GRIA2: variants seen among roughly 807,000 people sequenced by gnomAD.
GRIA2 encodes glutamate ionotropic receptor AMPA type subunit 2, also known as glutamate receptor 2.
Under a neutral mutation model 97.3 loss-of-function variants are expected in GRIA2, and 14 were observed. The observed-to-expected ratio is 0.14, with a 90% CI of 0.10 to 0.23. The LOEUF (loss-of-function observed/expected upper bound fraction) is 0.23, where lower values mean the gene tolerates loss of function less well. Ranked by LOEUF, GRIA2 falls within the 10% of genes least tolerant of loss-of-function variation. GRIA2 has a pLI of 1.00. For synonymous variants in GRIA2, 412 were observed against 387.8 expected (o/e 1.06, Z -0.73); for missense variants, 558 against 1,069.8 (o/e 0.52, Z 6.67).
Position 157,312,880 on chromosome 4 carries a change from G to C in GRIA2, c.666+5G>C. The C allele has an allele frequency of 6.5e-7, 1 of 1,531,070 alleles. No homozygotes were observed. The highest frequency in any genetic ancestry group is 1.2e-5 in the South Asian group (1 of 83,032). 94.8% of individuals were successfully genotyped at this position (1,531,070 alleles called of 1,614,324 possible). On this transcript the variant is annotated splice_donor_5th_base_variant and intron_variant, in intron 4 of 15. Coordinates refer to ENST00000264426, the MANE Select transcript of GRIA2 (RefSeq NM_001083619.3). ...GTAAACGACATTGTAGACCAGGTTT[G>C]CTACTTTCTGTTTTCTAATGATGCC...
At chr4:157,333,060 C>A in intron 7 of GRIA2, 74 bp downstream of exon 7, 3 of 1,222,518 alleles carry the variant, frequency 2.5e-6, no homozygotes, top group Non-Finnish European at 3.4e-6. Context: ...AATTAGTCAT[C>A]CTTGTCTTAT....
chr4:157,250,659 T>G (rs1329304868), intron 2 of GRIA2, among the ~76,000 whole-genome samples: 2 of 152,050 alleles, frequency 1.3e-5, no homozygotes. Context: ...ACACATAAAC[T>G]TCACTCCCAA....
At chr4:157,338,284 A>G (rs1314043567) in intron 11 of GRIA2, among the ~76,000 whole-genome samples, 1 of 151,850 alleles carries the variant, frequency 6.6e-6, no homozygotes, top group African/African-American at 2.4e-5. Context: ...TCTGAAATGT[A>G]AGGCAATAAT....
chr4:157,289,732 A>G (rs1295670259), intron 2 of GRIA2, among the ~76,000 whole-genome samples: 2 of 151,880 alleles, frequency 1.3e-5, no homozygotes, highest in Non-Finnish European at 2.9e-5. Context: ...ATACAGTAGC[A>G]TGCAAGCACA....
intron 2 of GRIA2, among the ~76,000 whole-genome samples, chr4:157,246,841 A>C (rs1421113851): frequency 6.6e-6 from 1 of 152,148 alleles, no homozygotes; most frequent in Non-Finnish European, 1.5e-5. Context: ...GTGTCTTAGG[A>C]AACATACTCA....
chr4:157,225,413 AT>A (rs1560998975), intron 2 of GRIA2, among the ~76,000 whole-genome samples: 2 of 151,494 alleles, frequency 1.3e-5, no homozygotes, highest in African/African-American at 2.4e-5. Flanking sequence ...GAGAACTAAG[AT>A]TTTTTTTCCT....
At chr4:157,254,166 G>T (rs1438320255) in intron 2 of GRIA2, among the ~76,000 whole-genome samples, 2 of 151,874 alleles carry the variant, frequency 1.3e-5, no homozygotes, top group African/African-American at 4.8e-5. Flanking sequence ...GTTGGGGAGG[G>T]TGGGAGTTAT....
chr4:157,245,994 T>A (rs1435363050), intron 2 of GRIA2, among the ~76,000 whole-genome samples: 1 of 151,952 alleles, frequency 6.6e-6, no homozygotes, highest in Non-Finnish European at 1.5e-5. Context: ...TCATTCCAAT[T>A]TTTTTCTGAT....
At chr4:157,258,161 A>C (rs1043813213) in intron 2 of GRIA2, among the ~76,000 whole-genome samples, 1 of 152,242 alleles carries the variant, frequency 6.6e-6, no homozygotes, top group Admixed American at 6.5e-5. Context: ...TTGACAAAAG[A>C]ACAGGATAAC....
intron 13 of GRIA2, 91 bp from the exon 14 acceptor site, chr4:157,360,919 C>G: frequency 1.1e-6 from 1 of 925,564 alleles, no homozygotes; most frequent in Non-Finnish European, 1.7e-6. Flanking sequence ...AGAGTTGCCA[C>G]AGAAGCCAAA....
At chr4:157,247,313 T>C (rs769051215) in intron 2 of GRIA2, among the ~76,000 whole-genome samples, 1 of 152,150 alleles carries the variant, frequency 6.6e-6, no homozygotes, top group Non-Finnish European at 1.5e-5. Context: ...CCTCTGAATA[T>C]GTTTGGTACA....
At chr4:157,246,860 T>G (rs1730754826) in intron 2 of GRIA2, among the ~76,000 whole-genome samples, 1 of 152,070 alleles carries the variant, frequency 6.6e-6, no homozygotes, top group African/African-American at 2.4e-5. Flanking sequence ...CAGATACACA[T>G]GTATTAAATG....
intron 2 of GRIA2, among the ~76,000 whole-genome samples, chr4:157,244,818 C>T (rs1463028002): frequency 6.6e-6 from 1 of 151,920 alleles, no homozygotes; most frequent in African/African-American, 2.4e-5. Context: ...CACCATTTCC[C>T]TCTTTGGCTC....
chr4:157,322,077 G>C (rs1579361759), intron 6 of GRIA2, among the ~76,000 whole-genome samples: 1 of 152,078 alleles, frequency 6.6e-6, no homozygotes, highest in South Asian at 2.1e-4. Flanking sequence ...TACCCTGACT[G>C]CTGTTTAGAA....
chr4:157,360,976 A>G (rs751824022), intron 13 of GRIA2, 34 bp from the exon 14 acceptor site: 2 of 1,474,136 alleles, frequency 1.4e-6, no homozygotes, highest in South Asian at 1.2e-5. Context: ...AAATTTGCTC[A>G]CCCTGTCTGA....
At chr4:157,357,134 A>G (rs1560782327) in intron 12 of GRIA2, among the ~76,000 whole-genome samples, 2 of 151,968 alleles carry the variant, frequency 1.3e-5, no homozygotes, top group South Asian at 4.1e-4. Flanking sequence ...TTAGTCTAAG[A>G]CTCTTTCTGA....
intron 2 of GRIA2, among the ~76,000 whole-genome samples, chr4:157,252,030 T>G (rs1322076079): frequency 6.6e-6 from 1 of 152,164 alleles, no homozygotes; most frequent in African/African-American, 2.4e-5. Context: ...ATGAATCAGC[T>G]GTACTGAGTA....
At chr4:157,355,558 C>T (rs1736215074) in intron 12 of GRIA2, among the ~76,000 whole-genome samples, 1 of 136,144 alleles carries the variant, frequency 7.3e-6, no homozygotes, top group African/African-American at 2.8e-5. Context: ...TCTTCCTTGG[C>T]TTAGCTGTAT....
chr4:157,357,751 C>A (rs1029408314), intron 12 of GRIA2, among the ~76,000 whole-genome samples: 1 of 151,990 alleles, frequency 6.6e-6, no homozygotes, highest in Non-Finnish European at 1.5e-5. Context: ...GCAAAGACAG[C>A]GATCAACAGC....
Sources: allele counts gnomAD v4.1 joint callset (sites outside exome capture counted in the v4.1 genomes callset), GRCh38; gene constraint gnomAD v4.1.1; transcripts MANE v1.5; gene names NCBI Gene and HGNC (gene_info 2026-07-23, HGNC 2026-07-21).